Variants in ZMYM1 observed in about 807,000 individuals in gnomAD.
ZMYM1 encodes the protein zinc finger MYM-type containing 1.
Under a neutral mutation model 60.0 loss-of-function variants are expected in ZMYM1, and 39 were observed. That is an observed-to-expected ratio of 0.65 (90% CI 0.50 to 0.85). The LOEUF is 0.85. ZMYM1 is among the 40% of genes least tolerant of loss of function. ZMYM1 has a pLI of 0.00. For synonymous variants in ZMYM1, 413 were observed against 454.0 expected, an observed-to-expected ratio of 0.91 and a Z score of 1.15; for missense variants, 1,171 against 1,309.5, an observed-to-expected ratio of 0.89 and a Z score of 1.63.
chr1:35,112,259 C>G, intron 9 of ZMYM1, 129 bp downstream of exon 9: 1 of 832,004 alleles, frequency 1.2e-6, no homozygotes, highest in Non-Finnish European at 1.9e-6. Flanking sequence ...CTCACTGCAA[C>G]CTTTGCCTCC....
upstream of ZMYM1, among the ~76,000 whole-genome samples, chr1:35,075,771 A>G (rs535140910): frequency 3.3e-5 from 5 of 152,324 alleles, no homozygotes; most frequent in South Asian, 1.0e-3. Context: ...TTAAGGGAAC[A>G]ACTATCATTA....
chr1:35,078,786 C>T (rs1467109292), upstream of ZMYM1, among the ~76,000 whole-genome samples: 2 of 151,844 alleles, frequency 1.3e-5, no homozygotes, highest in Non-Finnish European at 2.9e-5. Flanking sequence ...TGAACTCAAG[C>T]AGTCCACCCG....
At chr1:35,112,673 T>A (rs1161906089) in intron 9 of ZMYM1, among the ~76,000 whole-genome samples, 1 of 149,120 alleles carries the variant, frequency 6.7e-6, no homozygotes, top group Non-Finnish European at 1.5e-5. Flanking sequence ...TGTTTGTAGA[T>A]TGTTTAAACA....
intron 4 of ZMYM1, 180 bp from the exon 5 acceptor site, chr1:35,104,115 T>G: frequency 1.8e-6 from 1 of 540,818 alleles, no homozygotes; most frequent in Non-Finnish European, 3.2e-6. Context: ...TAATCTGTAA[T>G]GTATAGATGA....
At chr1:35,061,202 G>A (rs1458962305) in intron 1 of ZMYM1, among the ~76,000 whole-genome samples, 1 of 152,238 alleles carries the variant, frequency 6.6e-6, no homozygotes, top group Non-Finnish European at 1.5e-5. Context: ...AAGAAAGGAA[G>A]CAAGTGAGTT....
downstream of ZMYM1, among the ~76,000 whole-genome samples, chr1:35,116,997 C>T (rs930323910): frequency 6.6e-6 from 1 of 150,992 alleles, no homozygotes; most frequent in Non-Finnish European, 1.5e-5. Context: ...GCGCCCGCCA[C>T]TGTGCCCGGC....
At chr1:35,067,044 T>A (rs1206376289) in intron 1 of ZMYM1, among the ~76,000 whole-genome samples, 1 of 152,184 alleles carries the variant, frequency 6.6e-6, no homozygotes, top group African/African-American at 2.4e-5. Context: ...AGTGGTGCAA[T>A]CTCGGCTCAC....
intron 1 of ZMYM1, among the ~76,000 whole-genome samples, chr1:35,088,422 ATG>A (rs1642778117): frequency 1.0e-5 from 1 of 96,480 alleles, no homozygotes; most frequent in Admixed American, 1.2e-4. Context: ...CATCTCAAAA[ATG>A]TGTTTATGTG....
chr1:35,073,338 AAAGGAAGGAAGGAAGG>A (rs71029062), intron 1 of ZMYM1, among the ~76,000 whole-genome samples: 4 of 115,678 alleles, frequency 3.5e-5, no homozygotes, highest in African/African-American at 1.4e-4. Flanking sequence ...AGAAAGAAAG[AAAGGAAGGAAGGAAGG>A]AAGGAAGGAA....
chr1:35,074,429 C>CT (rs574746898), upstream of ZMYM1, among the ~76,000 whole-genome samples: 138 of 150,348 alleles, frequency 9.2e-4, no homozygotes, highest in Middle Eastern at 3.4e-3. Context: ...CTTTTTTTTT[C>CT]TTTTTTTTGA....
chr1:35,074,101 T>A (rs1177489717), intron 1 of ZMYM1, among the ~76,000 whole-genome samples: 1 of 152,212 alleles, frequency 6.6e-6, no homozygotes, highest in Admixed American at 6.5e-5. Context: ...AGGAATTTTT[T>A]AATTTCCACT....
At chr1:35,102,420 CAGATCTTCT>C (rs781569669) in intron 4 of ZMYM1, among the ~76,000 whole-genome samples, 7 of 152,176 alleles carry the variant, frequency 4.6e-5, no homozygotes, top group Non-Finnish European at 1.0e-4. Flanking sequence ...CTGAGTTCTG[CAGATCTTCT>C]AGATGTTCTC....
chr1:35,065,806 TAAAG>T (rs1408187609), intron 1 of ZMYM1, among the ~76,000 whole-genome samples: 1 of 151,878 alleles, frequency 6.6e-6, no homozygotes. Context: ...GCAAGACTGA[TAAAG>T]AAAAATTAGA....
intron 4 of ZMYM1, among the ~76,000 whole-genome samples, chr1:35,098,381 TATG>T (rs1643454085): frequency 6.6e-6 from 1 of 152,190 alleles, no homozygotes; most frequent in South Asian, 2.1e-4. Flanking sequence ...GCTGTATAAT[TATG>T]GTTGTTAGCA....
chr1:35,088,452 ATATGTGTGTGTG>A (rs1557651425), intron 1 of ZMYM1, among the ~76,000 whole-genome samples: 3 of 101,650 alleles, frequency 3.0e-5, no homozygotes, highest in East Asian at 5.8e-4. Flanking sequence ...ATATATATAT[ATATGTGTGTGTG>A]TGTGTGTGTG....
Position 35,113,593 on chromosome 1 carries a change from A to G in ZMYM1, c.1763A>G (p.Glu588Gly). The G allele has an allele frequency of 6.2e-7, 1 of 1,613,770 alleles. No homozygotes were observed. Among genetic ancestry groups the G allele is most frequent in the African/African-American group, 1.3e-5 (1 of 75,028 alleles). Reference protein sequence around the residue: ...VSSVNKGNFLELLEMRAKDKG... With the variant: ...VSSVNKGNFLGLLEMRAKDKG... ...TCTGTGAATAAAGGCAATTTTTTAG[A>G]ATTGTTAGAAATGAGAGCAAAAGAT... Residue 588 changes from glutamate to glycine, a missense_variant, in exon 10 of 10, where the codon GAA becomes GGA. Glu to Gly is a moderately conservative substitution (Grantham distance 98, BLOSUM62 -2). Transcript: ENST00000359858.
intron 6 of ZMYM1, among the ~76,000 whole-genome samples, chr1:35,105,470 C>G (rs958521892): frequency 6.7e-6 from 1 of 149,596 alleles, no homozygotes; most frequent in African/African-American, 2.5e-5. Context: ...GTCTCGCTGT[C>G]TTGCCCAGGC....
intron 1 of ZMYM1, among the ~76,000 whole-genome samples, chr1:35,089,153 T>C (rs1156236727): frequency 6.6e-6 from 1 of 151,984 alleles, no homozygotes; most frequent in Non-Finnish European, 1.5e-5. Context: ...TTTGAAGGAG[T>C]TGCAAGATGC....
chr1:35,071,959 G>A (rs1300113723), intron 1 of ZMYM1, among the ~76,000 whole-genome samples: 2 of 152,108 alleles, frequency 1.3e-5, no homozygotes, highest in Non-Finnish European at 2.9e-5. Context: ...CCAACATGGT[G>A]AAACCCTGTC....
Sources: gnomAD v4.1 joint callset for allele counts (sites outside exome capture counted in the v4.1 genomes callset) on GRCh38, gnomAD v4.1.1 for gene constraint, MANE v1.5 for transcripts, NCBI Gene and HGNC (gene_info 2026-07-23, HGNC 2026-07-21) for gene names.